The following SLC5A11 variants were observed in gnomAD, a reference collection of about 807,000 sequenced individuals.
SLC5A11 encodes the protein sodium/myo-inositol cotransporter 2.
In SLC5A11, 48 loss-of-function variants were observed where a neutral mutation model predicts 69.8. The observed-to-expected ratio is 0.69, with a 90% confidence interval of 0.55 to 0.87. The LOEUF is 0.87. Ranked by LOEUF, SLC5A11 falls within the 40% of genes least tolerant of loss-of-function variation. The pLI is 0.00. For synonymous variants in SLC5A11, 319 were observed against 342.4 expected (o/e 0.93, Z 0.75); for missense variants, 784 against 866.1 (o/e 0.91, Z 1.19).
intron 3 of SLC5A11, among the ~76,000 whole-genome samples, chr16:24,866,323 G>A (rs1597048928): frequency 6.6e-6 from 1 of 151,730 alleles, no homozygotes; most frequent in Admixed American, 6.6e-5. Context: ...ATAGGGCTGG[G>A]CATGGTGACT....
At chr16:24,858,689 C>G in exon 2 of SLC5A11, 1 of 1,611,718 alleles carries the variant, frequency 6.2e-7, no homozygotes, top group Non-Finnish European at 8.5e-7. Flanking sequence ...GTTAGATCCC[C>G]TGGATGCGTT....
At chr16:24,850,717 T>G (rs1314834576) in intron 1 of SLC5A11, among the ~76,000 whole-genome samples, 3 of 152,082 alleles carry the variant, frequency 2.0e-5, no homozygotes, top group Non-Finnish European at 4.4e-5. Flanking sequence ...ACCTGTACAA[T>G]GGAGTTAATC....
chr16:24,848,948 A>G (rs2059146693), intron 1 of SLC5A11, among the ~76,000 whole-genome samples: 1 of 152,158 alleles, frequency 6.6e-6, no homozygotes, highest in South Asian at 2.1e-4. Context: ...TGGATTTATT[A>G]TGTTTTGGAA....
chr16:24,910,126 C>T (rs1330952491), intron 14 of SLC5A11, among the ~76,000 whole-genome samples, 180 bp from the exon 16 acceptor site: 7 of 121,612 alleles, frequency 5.8e-5, no homozygotes, highest in Admixed American at 1.1e-4. Context: ...GGGAATTGTG[C>T]GCTGATGTTG....
chr16:24,893,775 T>C (rs578097399), intron 9 of SLC5A11, among the ~76,000 whole-genome samples: 11 of 152,122 alleles, frequency 7.2e-5, no homozygotes, highest in Non-Finnish European at 1.5e-4. Context: ...TTTCGCTATG[T>C]TGGCCAGGCT....
Position 24,884,034 on chromosome 16 carries a change from C to T in SLC5A11, c.584-17C>T, listed in dbSNP as rs748698502. 23 of 1,613,062 alleles carry T rather than the reference C, an allele frequency of 1.4e-5. No individual in the cohort carries two copies. The highest frequency in any genetic ancestry group is 3.3e-5 in the Admixed American group (2 of 59,966). On this transcript the variant is annotated splice_polypyrimidine_tract_variant and intron_variant, in intron 7 of 15. Coordinates refer to ENST00000347898, the Ensembl canonical transcript of SLC5A11. ...CGTTAGACTCCCTGACCCTCACCTC[C>T]GTGCTCATCCCACCAGGTGGCCTGG...
At chr16:24,877,204 C>T in intron 6 of SLC5A11, 54 bp from the exon 8 acceptor site, 2 of 1,600,850 alleles carry the variant, frequency 1.2e-6, no homozygotes, top group East Asian at 2.2e-5. Context: ...TGCAAATGTC[C>T]ACTCATTCAT....
At chr16:24,888,633 G>A (rs1323769355) in intron 8 of SLC5A11, among the ~76,000 whole-genome samples, 5 of 146,114 alleles carry the variant, frequency 3.4e-5, no homozygotes, top group Admixed American at 6.9e-5. Context: ...ACAGGCTCGC[G>A]CCACCACATC....
Position 24,907,185 on chromosome 16 carries a change from C to T in SLC5A11, c.1265+10C>T, listed in dbSNP as rs964662665. On this transcript the variant is annotated intron_variant, in intron 12 of 15. Transcript: ENST00000347898. ...TCATGATTGTGGGCAGGTAAGTCCC[C>T]ACTGGGTGGGGCTGGGGCAGGGGGA... is the stretch of plus-strand genomic sequence containing the variant. 1 of 1,613,628 alleles carries T rather than the reference C, an allele frequency of 6.2e-7. No homozygotes were observed. Among genetic ancestry groups the T allele is most frequent in the Non-Finnish European group, 8.5e-7 (1 of 1,179,828 alleles).
chr16:24,864,548 A>G (rs1305150741), intron 3 of SLC5A11, among the ~76,000 whole-genome samples: 1 of 152,252 alleles, frequency 6.6e-6, no homozygotes, highest in Non-Finnish European at 1.5e-5. Flanking sequence ...TACCAGTGAC[A>G]TCATTTTAAA....
intron 10 of SLC5A11, among the ~76,000 whole-genome samples, chr16:24,905,269 CAAAAA>C (rs34703027): frequency 1.2e-5 from 1 of 80,410 alleles, no homozygotes; most frequent in Non-Finnish European, 2.2e-5. Flanking sequence ...ACTAAAAATA[CAAAAA>C]AAAAAAAAAA....
At chr16:24,849,593 A>AAAAAAAAAAAAAAAAATAT in intron 1 of SLC5A11, among the ~76,000 whole-genome samples, 2 of 35,922 alleles carry the variant, frequency 5.6e-5, no homozygotes, top group African/African-American at 9.2e-5. Flanking sequence ...AAAAAAAAAA[A>AAAAAAAAAAAAAAAAATAT]ATATATATAT....
intron 10 of SLC5A11, among the ~76,000 whole-genome samples, chr16:24,901,959 C>T (rs2049650072): frequency 1.0e-5 from 1 of 95,550 alleles, no homozygotes; most frequent in South Asian, 2.8e-4. Flanking sequence ...CACACACACG[C>T]ACACACACAC....
chr16:24,876,629 A>G (rs768719207), intron 6 of SLC5A11, among the ~76,000 whole-genome samples: 83 of 152,348 alleles, frequency 5.4e-4, no homozygotes, highest in Non-Finnish European at 8.5e-4. Context: ...AATCTACGCC[A>G]GCTCCAGACT....
chr16:24,901,215 T>G (rs1391330760), intron 10 of SLC5A11, among the ~76,000 whole-genome samples: 1 of 152,194 alleles, frequency 6.6e-6, no homozygotes, highest in Non-Finnish European at 1.5e-5. Context: ...GTGTTTACTA[T>G]TATTATTTTA....
chr16:24,905,673 C>T (rs2050009291), intron 10 of SLC5A11, among the ~76,000 whole-genome samples: 1 of 151,598 alleles, frequency 6.6e-6, no homozygotes, highest in African/African-American at 2.4e-5. Flanking sequence ...CACACACACA[C>T]ACACACACAC....
At chr16:24,900,725 T>C (rs2049517369) in intron 10 of SLC5A11, among the ~76,000 whole-genome samples, 1 of 151,914 alleles carries the variant, frequency 6.6e-6, no homozygotes, top group African/African-American at 2.4e-5. Flanking sequence ...CCATCGTGGG[T>C]AACGATACCA....
At position 24,862,702 on chromosome 16, in the gene SLC5A11, C is replaced by G. The variant is rs761086865; in HGVS notation, c.207+30C>G. ...GTGGTCTTTGGTTCAATTAAAGTCA[C>G]TTCTTAAAGAATCTTCAAGTGCTGG... On this transcript the variant is annotated intron_variant, in intron 3 of 15. Transcript: ENST00000347898. 7 of 1,593,206 alleles carry G rather than the reference C, an allele frequency of 4.4e-6. No individual in the cohort carries two copies. The Admixed American group carries it at 1.2e-4, about 27-fold the overall frequency.
chr16:24,878,757 G>T (rs1221969874), intron 7 of SLC5A11, among the ~76,000 whole-genome samples: 1 of 152,224 alleles, frequency 6.6e-6, no homozygotes, highest in African/African-American at 2.4e-5. Context: ...GTTAGGCCAG[G>T]TGTGGTGGCT....
Sources: allele counts gnomAD v4.1 joint callset (sites outside exome capture counted in the v4.1 genomes callset), GRCh38; gene constraint gnomAD v4.1.1; transcripts MANE v1.5; gene names NCBI Gene and HGNC (gene_info 2026-07-23, HGNC 2026-07-21).